The following TNS3 variants were observed in gnomAD, a reference collection of about 807,000 sequenced individuals.
TNS3 encodes tensin-3.
A neutral mutation model predicts 140.9 loss-of-function variants in TNS3; 45 were observed. The ratio of observed to expected loss-of-function variants is 0.32; its 90% CI spans 0.25 to 0.41. The LOEUF is 0.41. TNS3 is among the 10% of genes least tolerant of loss of function. The pLI, the probability that TNS3 is intolerant of heterozygous loss-of-function variation, is 1.00. For missense variants in TNS3, 1,716 were observed against 1,906.7 expected, an observed-to-expected ratio of 0.90 and a Z score of 1.86; for synonymous variants, 815 against 788.4, an observed-to-expected ratio of 1.03 and a Z score of -0.56.
chr7:47,527,064 C>T (rs1170979523), intron 2 of TNS3, among the ~76,000 whole-genome samples: 2 of 94,740 alleles, frequency 2.1e-5, no homozygotes, highest in African/African-American at 7.3e-5. Context: ...AACCCCATCT[C>T]TATTAAAAAT....
intron 17 of TNS3, among the ~76,000 whole-genome samples, chr7:47,359,958 A>G (rs1464333464): frequency 1.3e-5 from 2 of 152,210 alleles, no homozygotes; most frequent in African/African-American, 2.4e-5. Flanking sequence ...CTGTGGCCCT[A>G]GCCTCTCAGC....
At chr7:47,341,661 T>C (rs988825282) in intron 20 of TNS3, among the ~76,000 whole-genome samples, 3 of 152,118 alleles carry the variant, frequency 2.0e-5, no homozygotes, top group Admixed American at 2.0e-4. Flanking sequence ...TATTGATCTT[T>C]TCAAAGAACC....
chr7:47,331,076 A>C (rs1309915959), intron 20 of TNS3, among the ~76,000 whole-genome samples: 1 of 152,192 alleles, frequency 6.6e-6, no homozygotes, highest in Admixed American at 6.5e-5. Flanking sequence ...TAGCAAAGGA[A>C]CTTCAGATGC....
intron 1 of TNS3, among the ~76,000 whole-genome samples, chr7:47,545,111 G>A (rs2881799): frequency 0.25 from 37,348 of 150,180 alleles, 5,581 homozygotes; most frequent in East Asian, 0.44. Context: ...AAACTCTTCC[G>A]TGATAATACA....
chr7:47,287,312 T>C (rs183972071), intron 27 of TNS3, among the ~76,000 whole-genome samples: 7 of 152,336 alleles, frequency 4.6e-5, no homozygotes, highest in African/African-American at 1.7e-4. Flanking sequence ...ATAATGGCCT[T>C]AATATTTAAA....
At chr7:47,329,696 G>A (rs1788227977) in intron 20 of TNS3, among the ~76,000 whole-genome samples, 1 of 152,180 alleles carries the variant, frequency 6.6e-6, no homozygotes, top group Non-Finnish European at 1.5e-5. Flanking sequence ...GAAGCGGATG[G>A]ACTGGCCTTT....
At position 47,551,757 on chromosome 7, in the gene TNS3, A is replaced by G. The variant is rs578063608; in HGVS notation, c.-264-22610T>C. Among the ~76,000 whole-genome samples the G allele has an allele frequency of 6.6e-5, 10 of 152,352 alleles. 1 individual carries two copies. In the South Asian group the frequency reaches 2.1e-3, roughly 32 times the overall value. Reference sequence around the variant, plus strand: ...GCAGACCAAGGTTCACACTGTGCACATGTGTGTTAGATAAGTAGAGAGTAA... The same window carrying G: ...GCAGACCAAGGTTCACACTGTGCACGTGTGTGTTAGATAAGTAGAGAGTAA... On this transcript the variant is annotated intron_variant, in intron 1 of 30. Transcript: ENST00000311160.
chr7:47,312,523 T>A (rs1292920704), intron 20 of TNS3, among the ~76,000 whole-genome samples: 1 of 151,724 alleles, frequency 6.6e-6, no homozygotes, highest in African/African-American at 2.4e-5. Flanking sequence ...GCCAACATGG[T>A]GAAACCCCGT....
Position 47,368,780 on chromosome 7 carries a change from G to T in TNS3, c.1866C>A (p.Leu622=). 1 of 1,599,772 alleles carries T rather than the reference G, an allele frequency of 6.3e-7. No individual in the cohort carries two copies. Among genetic ancestry groups the T allele is most frequent in the Non-Finnish European group, 8.5e-7 (1 of 1,173,568 alleles). The change falls in exon 17 of 31, where the codon CTC becomes CTA. Residue 622 remains leucine (L), a synonymous_variant. Transcript: ENST00000311160. The stretch of plus-strand genomic sequence containing the variant: ...GTGGCACTCTGGGCTGGGCCTGGAC[G>T]AGGCCAGGATTGTCTGCAGGGCAGC... The part of the protein sequence containing the change: ...VSRCPADNPG[L]VQAQPRVPLT...
At chr7:47,296,223 T>C (rs1470992485) in intron 24 of TNS3, among the ~76,000 whole-genome samples, 2 of 151,876 alleles carry the variant, frequency 1.3e-5, no homozygotes, top group East Asian at 1.9e-4. Flanking sequence ...AATGGATCAA[T>C]TGGCTGTAGG....
chr7:47,514,610 T>A (rs1375318117), intron 2 of TNS3, among the ~76,000 whole-genome samples: 10 of 152,200 alleles, frequency 6.6e-5, no homozygotes, highest in African/African-American at 2.4e-4. Flanking sequence ...TCAACTCTCA[T>A]CTCCTTTAGG....
chr7:47,285,507 C>A (rs1785369966), intron 27 of TNS3, among the ~76,000 whole-genome samples: 1 of 152,178 alleles, frequency 6.6e-6, no homozygotes, highest in Non-Finnish European at 1.5e-5. Flanking sequence ...GTAAGATGTG[C>A]CTTTGCTCTT....
At chr7:47,310,802 G>A (rs1032385504) in intron 20 of TNS3, among the ~76,000 whole-genome samples, 1 of 152,188 alleles carries the variant, frequency 6.6e-6, no homozygotes, top group Non-Finnish European at 1.5e-5. Context: ...TCCCACCTAT[G>A]AGTGAGAACA....
intron 3 of TNS3, among the ~76,000 whole-genome samples, chr7:47,502,933 G>A (rs1798280401): frequency 6.6e-6 from 1 of 152,172 alleles, no homozygotes; most frequent in East Asian, 1.9e-4. Flanking sequence ...CTGGACCTTC[G>A]CAGCCAGGCT....
intron 1 of TNS3, among the ~76,000 whole-genome samples, chr7:47,565,787 C>T (rs1247070085): frequency 1.3e-5 from 2 of 152,174 alleles, no homozygotes; most frequent in African/African-American, 2.4e-5. Flanking sequence ...TTTCCAATTT[C>T]GCACTCTGCT....
intron 4 of TNS3, chr7:47,453,040 T>C: frequency 1.0e-6 from 1 of 985,454 alleles, no homozygotes; most frequent in Non-Finnish European, 1.2e-6. Flanking sequence ...ACACCCCTCT[T>C]CGTGTTAATG....
At chr7:47,448,407 C>G (rs1350152797) in intron 4 of TNS3, among the ~76,000 whole-genome samples, 1 of 152,178 alleles carries the variant, frequency 6.6e-6, no homozygotes, top group African/African-American at 2.4e-5. Context: ...TGGGAGCCCC[C>G]ACCTGACAGG....
rs1286141721 is a variant in TNS3, at chr7:47,278,016, C to G, written c.*60G>C. On this transcript the variant is annotated 3_prime_UTR_variant, in exon 31 of 31. Transcript: ENST00000311160. ...TAAAAAGTGGGGGCCCCACCCTCACCCAACGGCTGTCTCCAGGGCTTCGAG... is the reference window on the plus strand; with the variant it reads ...TAAAAAGTGGGGGCCCCACCCTCACGCAACGGCTGTCTCCAGGGCTTCGAG... 6.2e-7 allele frequency: 1 copy of G among 1,611,824 alleles called. No homozygotes were observed. The highest frequency in any genetic ancestry group is 1.3e-5 in the African/African-American group (1 of 75,008).
In TNS3 at chr7:47,310,446, A is replaced by G. The variant is rs1787023373; in HGVS notation, c.2651-5443T>C. Among the ~76,000 whole-genome samples the G allele has an allele frequency of 2.0e-5, 3 of 152,346 alleles. No homozygotes were observed. In the South Asian group the frequency reaches 6.2e-4, roughly 32 times the overall value. On this transcript the variant is annotated intron_variant, in intron 20 of 30. Transcript: ENST00000311160. ...GGACCATGACAGGATCTGATTAGGCAGCCTGGAAGAAAAATTATATCCTCT... is the reference window on the plus strand; with the variant it reads ...GGACCATGACAGGATCTGATTAGGCGGCCTGGAAGAAAAATTATATCCTCT...
Sources: allele counts gnomAD v4.1 joint callset (sites outside exome capture counted in the v4.1 genomes callset), GRCh38; gene constraint gnomAD v4.1.1; transcripts MANE v1.5; gene names NCBI Gene and HGNC (gene_info 2026-07-23, HGNC 2026-07-21).